The following WDR7 variants were observed in gnomAD, a reference collection of about 807,000 sequenced individuals.
WDR7 encodes WD repeat domain 7, also known as WD repeat-containing protein 7.
WDR7 carries 46 observed loss-of-function variants against 169.4 expected under a neutral mutation model. That is an observed-to-expected ratio of 0.27 (90% CI 0.21 to 0.35). WDR7 has a LOEUF of 0.35. Ranked by LOEUF, WDR7 falls within the 10% of genes least tolerant of loss-of-function variation. The pLI is 1.00. For synonymous variants in WDR7, 612 were observed against 666.8 expected, an observed-to-expected ratio of 0.92 and a Z score of 1.27; for missense variants, 1,534 against 1,859.3, an observed-to-expected ratio of 0.83 and a Z score of 3.22.
intron 25 of WDR7, among the ~76,000 whole-genome samples, chr18:56,943,324 C>A (rs144955833): frequency 2.6e-5 from 4 of 151,640 alleles, no homozygotes; most frequent in African/African-American, 9.7e-5. Context: ...TTTTTAAAAT[C>A]TTTATATAGT....
At chr18:56,734,556 G>A (rs1568164969) in intron 14 of WDR7, among the ~76,000 whole-genome samples, 2 of 150,428 alleles carry the variant, frequency 1.3e-5, no homozygotes, top group African/African-American at 4.9e-5. Context: ...GAAATAGCAG[G>A]AATCCTGCAT....
intron 20 of WDR7, among the ~76,000 whole-genome samples, chr18:56,849,771 A>G (rs1411857503): frequency 1.3e-5 from 2 of 152,186 alleles, no homozygotes; most frequent in Admixed American, 6.5e-5. Flanking sequence ...AAAACAAAAC[A>G]AAACAAAAAA....
chr18:56,832,953 G>A (rs754803803), intron 20 of WDR7, among the ~76,000 whole-genome samples: 12 of 152,102 alleles, frequency 7.9e-5, no homozygotes, highest in Admixed American at 3.3e-4. Context: ...ACAACTCCTC[G>A]CCAGCAAGGG....
intron 1 of WDR7, among the ~76,000 whole-genome samples, chr18:56,652,632 T>C (rs2024681251): frequency 6.6e-6 from 1 of 152,238 alleles, no homozygotes; most frequent in Non-Finnish European, 1.5e-5. Flanking sequence ...TTAGTTATTA[T>C]AAATTGGGAA....
chr18:56,988,975 C>G (rs138908568), intron 26 of WDR7, among the ~76,000 whole-genome samples: 2 of 148,406 alleles, frequency 1.3e-5, no homozygotes, highest in African/African-American at 5.0e-5. Context: ...TGGTATTTAA[C>G]AGAAAAAAAT....
intron 21 of WDR7, among the ~76,000 whole-genome samples, chr18:56,900,068 G>A (rs868220422): frequency 3.5e-4 from 43 of 124,536 alleles, no homozygotes; most frequent in African/African-American, 1.1e-3. Flanking sequence ...ATATATATGT[G>A]TGTGTGTGTG....
At chr18:56,717,735 A>G (rs1018191553) in intron 12 of WDR7, among the ~76,000 whole-genome samples, 2 of 152,192 alleles carry the variant, frequency 1.3e-5, no homozygotes, top group Non-Finnish European at 2.9e-5. Flanking sequence ...TTTCCAGTGT[A>G]CCTTTTGCAA....
intron 7 of WDR7, among the ~76,000 whole-genome samples, 174 bp downstream of exon 7, chr18:56,687,148 G>A (rs2025459184): frequency 6.6e-6 from 1 of 152,098 alleles, no homozygotes; most frequent in Non-Finnish European, 1.5e-5. Context: ...ATATGTAGTT[G>A]TCTTTTTTTG....
intron 1 of WDR7, among the ~76,000 whole-genome samples, chr18:56,670,897 A>G (rs1272689383): frequency 6.6e-6 from 1 of 152,178 alleles, no homozygotes; most frequent in Non-Finnish European, 1.5e-5. Flanking sequence ...ATGAGATCTG[A>G]GAGTACTCTC....
At chr18:56,932,565 C>T (rs2046900870) in intron 22 of WDR7, among the ~76,000 whole-genome samples, 1 of 152,172 alleles carries the variant, frequency 6.6e-6, no homozygotes, top group Non-Finnish European at 1.5e-5. Context: ...TTTCCCTTCA[C>T]TTTGCTTTTT....
intron 21 of WDR7, among the ~76,000 whole-genome samples, chr18:56,881,637 GTCTC>G (rs2046109632): frequency 6.6e-6 from 1 of 152,138 alleles, no homozygotes; most frequent in Non-Finnish European, 1.5e-5. Context: ...TTGAGACAGA[GTCTC>G]TCTCTGTCAC....
At chr18:56,922,179 A>G (rs983097158) in intron 21 of WDR7, among the ~76,000 whole-genome samples, 3 of 152,166 alleles carry the variant, frequency 2.0e-5, no homozygotes, top group African/African-American at 7.2e-5. Context: ...ATTTTGAAAT[A>G]TCATTCTGAC....
rs1052387727 is a variant in WDR7 at position 57,027,257 on chromosome 18, G to A, written c.*50G>A. 4.5e-6 allele frequency: 7 copies of A among 1,548,852 alleles called. No homozygotes were observed. In the African/African-American group the frequency reaches 9.6e-5, roughly 21 times the overall value. On this transcript the variant is annotated 3_prime_UTR_variant, in exon 28 of 28. Coordinates refer to ENST00000254442, the MANE Select transcript of WDR7 (RefSeq NM_015285.3). Reference sequence around the variant, plus strand: ...CGTTTTAGTTCTCTAAATTATCCAAGCCGATGTTGCTCTGTCCTTCCTCAC... The same window carrying A: ...CGTTTTAGTTCTCTAAATTATCCAAACCGATGTTGCTCTGTCCTTCCTCAC...
chr18:56,971,234 G>A (rs938131083), intron 26 of WDR7, among the ~76,000 whole-genome samples: 7 of 147,978 alleles, frequency 4.7e-5, no homozygotes, highest in East Asian at 2.0e-4. Flanking sequence ...AGCCGAGATC[G>A]CACCACTGCA....
chr18:57,035,548 CCTCTG>C, the WDR7 span: 4 of 152,258 alleles, frequency 2.6e-5, no homozygotes, highest in Non-Finnish European at 5.9e-5. Flanking sequence ...CCACTGGATG[CCTCTG>C]CTCTGCGAGA....
chr18:56,682,980 C>A, intron 5 of WDR7, 127 bp downstream of exon 5: 1 of 1,005,630 alleles, frequency 9.9e-7, no homozygotes, highest in Non-Finnish European at 1.4e-6. Flanking sequence ...ATAACTACAC[C>A]AATAATTTAT....
chr18:56,952,569 G>T (rs191917839), intron 25 of WDR7, among the ~76,000 whole-genome samples: 1 of 152,180 alleles, frequency 6.6e-6, no homozygotes, highest in Admixed American at 6.5e-5. Context: ...AATGAACAAA[G>T]AACTCAATTA....
In WDR7 at chr18:56,724,931, G is replaced by T. The variant is rs374905555; in HGVS notation, c.1775-6452G>T. Among the ~76,000 whole-genome samples, 21 of 152,176 alleles carry T rather than the reference G, an allele frequency of 1.4e-4. No homozygotes were observed. The South Asian group carries it at 4.4e-3, about 32-fold the overall frequency. On this transcript the variant is annotated intron_variant, in intron 13 of 27. Coordinates refer to ENST00000254442, the MANE Select transcript of WDR7 (RefSeq NM_015285.3). Reference sequence around the variant, plus strand: ...TGGTTTTTTGTCCTTGCGATAGTTTGCTGAGAATGATGGTTTCCAGCTTCA... The same window carrying T: ...TGGTTTTTTGTCCTTGCGATAGTTTTCTGAGAATGATGGTTTCCAGCTTCA...
At chr18:56,885,817 A>C (rs972163641) in intron 21 of WDR7, among the ~76,000 whole-genome samples, 29 of 145,620 alleles carry the variant, frequency 2.0e-4, no homozygotes, top group African/African-American at 6.9e-4. Context: ...ACAGAGCGAG[A>C]CTCTGTCTCA....
Sources: allele counts gnomAD v4.1 joint callset (sites outside exome capture counted in the v4.1 genomes callset), GRCh38; gene constraint gnomAD v4.1.1; transcripts MANE v1.5; gene names NCBI Gene and HGNC (gene_info 2026-07-23, HGNC 2026-07-21).